FER: variants seen among roughly 807,000 people sequenced by gnomAD.
FER encodes tyrosine-protein kinase Fer.
In FER, 63 loss-of-function variants were observed where a neutral mutation model predicts 111.0. The ratio of observed to expected loss-of-function variants is 0.57; its 90% CI spans 0.46 to 0.70. The LOEUF is 0.70. Ranked by LOEUF, FER falls within the 30% of genes least tolerant of loss-of-function variation. The probability of loss-of-function intolerance (pLI) is 0.00; values close to 1 mark genes in which losing one functional copy is unlikely to be tolerated. For missense variants in FER, 914 were observed against 954.0 expected (o/e 0.96, Z 0.55); for synonymous variants, 327 against 313.9 (o/e 1.04, Z -0.44).
At chr5:109,094,051 G>A (rs1156596795) in intron 16 of FER, among the ~76,000 whole-genome samples, 1 of 152,108 alleles carries the variant, frequency 6.6e-6, no homozygotes, top group Admixed American at 6.6e-5. Flanking sequence ...GTGGCAAACA[G>A]TGGGTTGTGA....
chr5:108,756,507 A>C (rs1265337238), intron 1 of FER, among the ~76,000 whole-genome samples: 1 of 152,016 alleles, frequency 6.6e-6, no homozygotes, highest in Non-Finnish European at 1.5e-5. Flanking sequence ...TTTACTTTTA[A>C]TATATTTAAT....
intron 10 of FER, among the ~76,000 whole-genome samples, chr5:108,917,398 A>C (rs974955526): frequency 6.6e-6 from 1 of 152,220 alleles, no homozygotes; most frequent in Non-Finnish European, 1.5e-5. Flanking sequence ...TGGACTAGTC[A>C]CACTAGACCA....
At chr5:109,097,172 C>T (rs1026303116) in intron 16 of FER, among the ~76,000 whole-genome samples, 16 of 151,684 alleles carry the variant, frequency 1.1e-4, no homozygotes, top group Non-Finnish European at 1.8e-4. Flanking sequence ...TACCCAAAGC[C>T]GCATGGTTAA....
At chr5:108,944,185 A>G (rs1272911574) in intron 10 of FER, among the ~76,000 whole-genome samples, 3 of 152,136 alleles carry the variant, frequency 2.0e-5, no homozygotes, top group African/African-American at 7.2e-5. Flanking sequence ...ATGAAAAACT[A>G]TTCTTAAATG....
At chr5:108,767,453 C>G (rs925307356) in intron 1 of FER, among the ~76,000 whole-genome samples, 3 of 152,190 alleles carry the variant, frequency 2.0e-5, no homozygotes, top group African/African-American at 7.2e-5. Context: ...AATATTTTAA[C>G]AAGCATAATC....
chr5:109,093,373 A>G (rs1414652585), intron 16 of FER, among the ~76,000 whole-genome samples: 1 of 152,192 alleles, frequency 6.6e-6, no homozygotes, highest in Non-Finnish European at 1.5e-5. Context: ...TTATTTCAAT[A>G]TAATATTTCT....
At position 109,190,233 on chromosome 5, in the gene FER, A is replaced by G. The variant is rs1393754600; in HGVS notation, c.*2658A>G. The G allele has an allele frequency of 2.0e-5, 3 of 152,178 alleles. No individual in the cohort carries two copies. The highest frequency in any genetic ancestry group is 7.2e-5 in the African/African-American group (3 of 41,450). The allele number at this position is 152,178 out of a possible 1,614,324, so 9.4% of individuals were successfully genotyped here. A position where few individuals can be genotyped will look rare whatever the true frequency, so the allele number is the denominator to read the frequency against. ...CAGAATGTGCAAGTTGATGTAGGGA[A>G]AGGAAGATTCAGAAATGTACAAAAT... is the stretch of plus-strand genomic sequence containing the variant. On this transcript the variant is annotated 3_prime_UTR_variant, in exon 20 of 20. Transcript: ENST00000281092.
intron 16 of FER, among the ~76,000 whole-genome samples, chr5:109,080,098 A>G (rs183051084): frequency 2.0e-5 from 3 of 152,110 alleles, no homozygotes; most frequent in East Asian, 1.9e-4. Flanking sequence ...AGAAATCCCA[A>G]TTATACATAG....
chr5:109,159,854 G>C (rs1027273367), intron 17 of FER, among the ~76,000 whole-genome samples: 13 of 152,162 alleles, frequency 8.5e-5, no homozygotes, highest in African/African-American at 3.1e-4. Flanking sequence ...GTCTGTGGCA[G>C]CAGTAATCTA....
intron 10 of FER, among the ~76,000 whole-genome samples, chr5:108,930,025 A>G (rs894762481): frequency 6.6e-6 from 1 of 152,160 alleles, no homozygotes; most frequent in African/African-American, 2.4e-5. Flanking sequence ...ATATCTAATA[A>G]TTAGCTGTTT....
chr5:108,757,782 A>G (rs1354118419), intron 1 of FER, among the ~76,000 whole-genome samples: 1 of 152,232 alleles, frequency 6.6e-6, no homozygotes, highest in Non-Finnish European at 1.5e-5. Context: ...TTAAAATGTT[A>G]ACATAAACAA....
chr5:108,843,985 G>A (rs941712182), intron 5 of FER, among the ~76,000 whole-genome samples: 1 of 136,352 alleles, frequency 7.3e-6, no homozygotes, highest in African/African-American at 2.6e-5. Context: ...TGCTGTCTCT[G>A]TTTCGCCTCT....
At chr5:109,173,643 A>G (rs1408304234) in intron 17 of FER, among the ~76,000 whole-genome samples, 1 of 151,612 alleles carries the variant, frequency 6.6e-6, no homozygotes, top group African/African-American at 2.4e-5. Flanking sequence ...ATTTTTTCCC[A>G]CTGTCAGAAC....
chr5:108,960,365 AGTT>A (rs1758983828), intron 13 of FER, among the ~76,000 whole-genome samples: 1 of 152,122 alleles, frequency 6.6e-6, no homozygotes, highest in African/African-American at 2.4e-5. Flanking sequence ...AGATTTTAAC[AGTT>A]GTTTGTTAAA....
intron 17 of FER, among the ~76,000 whole-genome samples, chr5:109,150,687 C>T (rs1754738943): frequency 6.6e-6 from 1 of 152,088 alleles, no homozygotes; most frequent in African/African-American, 2.4e-5. Context: ...ATATCTTTAA[C>T]GTTATAGTTG....
Position 109,189,191 on chromosome 5 carries a change from C to G in FER, c.*1616C>G, listed in dbSNP as rs1403455951. 1.3e-5 allele frequency: 2 copies of G among 152,162 alleles called. No homozygotes were observed. Among genetic ancestry groups the G allele is most frequent in the Non-Finnish European group, 2.9e-5 (2 of 68,032 alleles). The allele number at this position is 152,162 out of a possible 1,614,324, so 9.4% of individuals were successfully genotyped here. ...AACTCTTATCTAGGGAACTTACTTACTTACCCCATGATCTGTATATAGTTG... is the reference window on the plus strand; with the variant it reads ...AACTCTTATCTAGGGAACTTACTTAGTTACCCCATGATCTGTATATAGTTG... On this transcript the variant is annotated 3_prime_UTR_variant, in exon 20 of 20. Coordinates refer to ENST00000281092, the MANE Select transcript of FER (RefSeq NM_005246.4).
At chr5:108,815,555 G>C (rs1682665228) in intron 3 of FER, among the ~76,000 whole-genome samples, 2 of 152,040 alleles carry the variant, frequency 1.3e-5, no homozygotes, top group African/African-American at 4.8e-5. Context: ...CCTGTTTTCT[G>C]TGCTGAAGAT....
chr5:109,083,331 A>C lies in FER; in HGVS notation c.1925-17065A>C, dbSNP rs1777199161. ...ATCCAGTTCTTAATGAAAATATTGA[A>C]AAGAAGATTAAGCATGCAGTCCCAC... On this transcript the variant is annotated intron_variant, in intron 16 of 19. Transcript: ENST00000281092. 2.0e-5 allele frequency among the ~76,000 whole-genome samples: 3 copies of C among 152,038 alleles called. No individual in the cohort carries two copies. The South Asian group carries it at 6.2e-4, about 32-fold the overall frequency.
chr5:108,899,346 CATGATTCTTGATA>C (rs1749661254), intron 10 of FER, among the ~76,000 whole-genome samples: 1 of 152,150 alleles, frequency 6.6e-6, no homozygotes, highest in Non-Finnish European at 1.5e-5. Flanking sequence ...TTTCTTGCTT[CATGATTCTTGATA>C]AGTATCTGGC....
Sources: gnomAD v4.1 joint callset for allele counts (sites outside exome capture counted in the v4.1 genomes callset) on GRCh38, gnomAD v4.1.1 for gene constraint, MANE v1.5 for transcripts, NCBI Gene and HGNC (gene_info 2026-07-23, HGNC 2026-07-21) for gene names.